The following CSMD1 variants were observed in gnomAD, a reference collection of about 807,000 sequenced individuals.
The protein encoded by CSMD1 is CUB and Sushi multiple domains 1, also known as CUB and sushi domain-containing protein 1.
Under a neutral mutation model 417.5 loss-of-function variants are expected in CSMD1, and 213 were observed. The ratio of observed to expected loss-of-function variants is 0.51; its 90% CI spans 0.46 to 0.57. The LOEUF (loss-of-function observed/expected upper bound fraction) is 0.57. Ranked by LOEUF, CSMD1 falls within the 20% of genes least tolerant of loss-of-function variation. The pLI, the probability that CSMD1 is intolerant of heterozygous loss-of-function variation, is 0.00. For missense variants in CSMD1, 6,923 were observed against 4,529.7 expected, an observed-to-expected ratio of 1.53 and a Z score of -15.17; for synonymous variants, 2,862 against 1,736.8, an observed-to-expected ratio of 1.65 and a Z score of -16.11.
chr8:4,619,286 A>G (rs576781425), intron 2 of CSMD1, among the ~76,000 whole-genome samples: 1 of 152,322 alleles, frequency 6.6e-6, no homozygotes, highest in Admixed American at 6.5e-5. Context: ...AAATGCATGT[A>G]ACAAAATTAA....
chr8:3,754,763 T>C (rs1297322446), intron 5 of CSMD1, among the ~76,000 whole-genome samples: 1 of 152,148 alleles, frequency 6.6e-6, no homozygotes, highest in Non-Finnish European at 1.5e-5. Context: ...CCACAAGACT[T>C]ACGAATTCTA....
intron 5 of CSMD1, among the ~76,000 whole-genome samples, chr8:3,827,248 A>G (rs896524137): frequency 4.6e-5 from 7 of 152,206 alleles, no homozygotes; most frequent in African/African-American, 7.2e-5. Flanking sequence ...ATCAATAGCT[A>G]AAATAAAGCA....
intron 25 of CSMD1, among the ~76,000 whole-genome samples, chr8:3,303,944 G>C (rs540572619): frequency 1.3e-5 from 1 of 74,926 alleles, no homozygotes; most frequent in Non-Finnish European, 3.3e-5. Context: ...GGGGTATTGC[G>C]CCCCATTATA....
At chr8:3,402,463 A>G (rs7815237) in intron 15 of CSMD1, among the ~76,000 whole-genome samples, 78,753 of 152,016 alleles carry the variant, frequency 0.52, 20,822 homozygotes, top group Middle Eastern at 0.61. Context: ...AGCTGCATTG[A>G]GGAATACGAG....
intron 5 of CSMD1, among the ~76,000 whole-genome samples, chr8:3,771,757 G>C (rs1034270748): frequency 6.6e-6 from 1 of 152,136 alleles, no homozygotes; most frequent in African/African-American, 2.4e-5. Flanking sequence ...GTGTTCAAAT[G>C]ACAGCATCAT....
chr8:4,056,320 T>G (rs1299713855), intron 3 of CSMD1, among the ~76,000 whole-genome samples: 1 of 151,698 alleles, frequency 6.6e-6, no homozygotes, highest in Admixed American at 6.6e-5. Context: ...TGACCTTAGG[T>G]GATCCACCCG....
intron 7 of CSMD1, among the ~76,000 whole-genome samples, chr8:3,669,292 G>C (rs948971546): frequency 6.6e-6 from 1 of 152,158 alleles, no homozygotes; most frequent in Non-Finnish European, 1.5e-5. Context: ...CTGTCATTTT[G>C]TCATTGTGTT....
chr8:4,042,972 GA>G (rs148720607), intron 3 of CSMD1, among the ~76,000 whole-genome samples: 5 of 149,414 alleles, frequency 3.3e-5, no homozygotes, highest in Non-Finnish European at 7.5e-5. Flanking sequence ...CTAAATATGG[GA>G]AAAAAAAAAT....
chr8:3,694,130 G>A (rs1200221833), intron 7 of CSMD1, among the ~76,000 whole-genome samples: 1 of 151,732 alleles, frequency 6.6e-6, no homozygotes, highest in Non-Finnish European at 1.5e-5. Flanking sequence ...GCTGTGTGTG[G>A]CGTGGTGTGT....
chr8:4,902,275 TAAA>T, intron 1 of CSMD1, among the ~76,000 whole-genome samples: 1 of 146,950 alleles, frequency 6.8e-6, no homozygotes, highest in African/African-American at 2.5e-5. Context: ...CTCTATCTAT[TAAA>T]AAAAAAAAAA....
chr8:2,956,998 G>T (rs905558673), intron 63 of CSMD1, among the ~76,000 whole-genome samples: 1 of 152,014 alleles, frequency 6.6e-6, no homozygotes, highest in Non-Finnish European at 1.5e-5. Context: ...TATATACTGA[G>T]ATTTTTATAA....
chr8:4,103,001 C>G (rs1282232281), intron 3 of CSMD1, among the ~76,000 whole-genome samples: 3 of 152,204 alleles, frequency 2.0e-5, no homozygotes, highest in East Asian at 3.9e-4. Flanking sequence ...TATTTGTATT[C>G]TAAACTTTTT....
chr8:4,860,932 C>G (rs1327093417), intron 1 of CSMD1, among the ~76,000 whole-genome samples: 2 of 152,110 alleles, frequency 1.3e-5, no homozygotes, highest in African/African-American at 2.4e-5. Context: ...ATCCCTCAAA[C>G]TTCAGCTCTG....
At chr8:4,441,598 T>G (rs1435339936) in intron 2 of CSMD1, among the ~76,000 whole-genome samples, 1 of 152,182 alleles carries the variant, frequency 6.6e-6, no homozygotes, top group Admixed American at 6.5e-5. Context: ...TTCAATACAT[T>G]TGATAATGCT....
intron 38 of CSMD1, among the ~76,000 whole-genome samples, chr8:3,159,683 T>G (rs1484031210): frequency 1.3e-5 from 2 of 152,194 alleles, no homozygotes. Flanking sequence ...ACTCAAAGCT[T>G]GGCATTGTTT....
intron 3 of CSMD1, among the ~76,000 whole-genome samples, chr8:4,389,545 A>C (rs1403960341): frequency 2.0e-5 from 3 of 152,206 alleles, no homozygotes; most frequent in African/African-American, 7.2e-5. Flanking sequence ...GAAGACACTA[A>C]AATGTTAATT....
chr8:4,553,905 C>A (rs753022219), intron 2 of CSMD1, among the ~76,000 whole-genome samples: 6 of 152,128 alleles, frequency 3.9e-5, no homozygotes, highest in Non-Finnish European at 5.9e-5. Flanking sequence ...CACAAAAAAT[C>A]TGATGACTGG....
At chr8:3,472,561 A>C (rs1413530790) in intron 11 of CSMD1, among the ~76,000 whole-genome samples, 1 of 151,792 alleles carries the variant, frequency 6.6e-6, no homozygotes, top group African/African-American at 2.4e-5. Flanking sequence ...AAGAAAGATG[A>C]TGAAGAACTT....
chr8:4,069,228 G>T (rs780548702), intron 3 of CSMD1, among the ~76,000 whole-genome samples: 1 of 152,278 alleles, frequency 6.6e-6, no homozygotes, highest in African/African-American at 2.4e-5. Context: ...TTGTCATACA[G>T]ATGAGAAAAT....
Sources: allele counts gnomAD v4.1 joint callset (sites outside exome capture counted in the v4.1 genomes callset), GRCh38; gene constraint gnomAD v4.1.1; transcripts MANE v1.5; gene names NCBI Gene and HGNC (gene_info 2026-07-23, HGNC 2026-07-21).